The following STK31 variants were observed in gnomAD, a reference collection of about 807,000 sequenced individuals.
STK31 encodes serine/threonine kinase 31.
STK31 carries 89 observed loss-of-function variants against 129.7 expected under a neutral mutation model. The observed-to-expected ratio is 0.69, with a 90% CI of 0.58 to 0.82. STK31 has a LOEUF of 0.82. Ranked by LOEUF, STK31 falls within the 40% of genes least tolerant of loss-of-function variation. STK31 has a pLI of 0.00. For missense variants in STK31, 1,187 were observed against 1,176.4 expected (o/e 1.01, Z -0.13); for synonymous variants, 448 against 395.3 (o/e 1.13, Z -1.58).
chr7:23,721,784 C>T (rs971284461), intron 4 of STK31: 18 of 646,174 alleles, frequency 2.8e-5, no homozygotes, highest in Non-Finnish European at 4.7e-5. Context: ...TCCAGTTCTG[C>T]GTTAACTGAT....
intron 15 of STK31, among the ~76,000 whole-genome samples, chr7:23,773,151 C>T (rs28629874): frequency 0.11 from 16,620 of 151,950 alleles, 1,122 homozygotes; most frequent in Non-Finnish European, 0.15. Context: ...CCCATCAACC[C>T]GTCACCTACA....
intron 10 of STK31, among the ~76,000 whole-genome samples, chr7:23,754,895 A>G (rs554992240): frequency 1.3e-5 from 2 of 152,266 alleles, no homozygotes; most frequent in East Asian, 1.9e-4. Context: ...TATCCAGTCT[A>G]TCGTTGATGG....
chr7:23,762,848 G>A lies in STK31; in HGVS notation c.1341G>A (p.Lys447=), dbSNP rs1415843265. 5.6e-6 allele frequency: 9 copies of A among 1,608,676 alleles called. No individual in the cohort carries two copies. Among genetic ancestry groups the A allele is most frequent in the Admixed American group, 1.7e-5 (1 of 59,078 alleles). ...LIAQRNEMQQ[K]LYMSVEDFIL... ...CCCAAAGAAATGAAATGCAGCAGAAGCTGTACATGTCAGTAGAAGATTTTA... is the reference window on the plus strand; with the variant it reads ...CCCAAAGAAATGAAATGCAGCAGAAACTGTACATGTCAGTAGAAGATTTTA... Residue 447 remains lysine, a synonymous_variant, in exon 11 of 24, where the codon AAG becomes AAA. Coordinates refer to ENST00000355870, the MANE Select transcript of STK31 (RefSeq NM_031414.5).
chr7:23,787,907 T>C (rs926138302), intron 20 of STK31, 73 bp from the exon 21 acceptor site: 19 of 1,404,152 alleles, frequency 1.4e-5, no homozygotes, highest in Non-Finnish European at 1.8e-5. Flanking sequence ...AGCAGTCTTT[T>C]AATTAGAGAA....
In STK31 at chr7:23,741,254, C is replaced by T. The variant is rs530383298; in HGVS notation, c.1017+4176C>T. 2.0e-5 allele frequency among the ~76,000 whole-genome samples: 3 copies of T among 152,228 alleles called. No individual in the cohort carries two copies. In the South Asian group the frequency reaches 6.2e-4, roughly 32 times the overall value. ...ATCCTGGAAAAGTTATTTCTCCAAG[C>T]TATAGTTCTTTTTAGTGGCAAGAGG... On this transcript the variant is annotated intron_variant, in intron 8 of 23. Transcript: ENST00000355870.
chr7:23,824,604 G>C (rs571070113), intron 23 of STK31, among the ~76,000 whole-genome samples: 6 of 152,106 alleles, frequency 3.9e-5, no homozygotes, highest in Non-Finnish European at 7.3e-5. Context: ...TCTCCTGCCT[G>C]ATTGCCCTGG....
intron 15 of STK31, among the ~76,000 whole-genome samples, chr7:23,781,098 A>T (rs1276724607): frequency 1.3e-5 from 2 of 152,216 alleles, no homozygotes; most frequent in Admixed American, 6.5e-5. Flanking sequence ...GGTTGCTATT[A>T]TTAACATTTC....
intron 15 of STK31, among the ~76,000 whole-genome samples, chr7:23,777,121 G>C (rs1790601687): frequency 6.6e-6 from 1 of 152,190 alleles, no homozygotes; most frequent in Admixed American, 6.5e-5. Flanking sequence ...TTTCCATGTA[G>C]TTGTGTGGTT....
chr7:23,744,748 G>T (rs1788247850), intron 8 of STK31, among the ~76,000 whole-genome samples: 1 of 152,290 alleles, frequency 6.6e-6, no homozygotes, highest in Non-Finnish European at 1.5e-5. Context: ...AATGGCTTAG[G>T]GTGTGGTTGT....
intron 15 of STK31, among the ~76,000 whole-genome samples, chr7:23,776,212 C>T (rs1168586534): frequency 2.0e-5 from 3 of 152,254 alleles, no homozygotes; most frequent in African/African-American, 7.2e-5. Flanking sequence ...TTTTGATGTG[C>T]TGCTGAATTC....
intron 15 of STK31, among the ~76,000 whole-genome samples, chr7:23,777,827 C>T (rs911053064): frequency 1.3e-5 from 2 of 152,062 alleles, no homozygotes; most frequent in Non-Finnish European, 2.9e-5. Flanking sequence ...GGCATTTCAC[C>T]TGTTTACATT....
At chr7:23,776,900 C>T (rs370395389) in intron 15 of STK31, among the ~76,000 whole-genome samples, 2 of 151,926 alleles carry the variant, frequency 1.3e-5, no homozygotes, top group East Asian at 1.9e-4. Context: ...TGTAGCTCTT[C>T]TAATTGTGAT....
At position 23,735,729 on chromosome 7, in the gene STK31, A is replaced by AT; in HGVS notation, c.677dup (p.Leu226PhefsTer21). 6.2e-7 allele frequency: 1 copy of AT among 1,614,080 alleles called. No homozygotes were observed. Among genetic ancestry groups the AT allele is most frequent in the Non-Finnish European group, 8.5e-7 (1 of 1,180,032 alleles). ...GAACTGACATCTGTGAGGAAAAAAA[A>AT]TTGGATCCTGGTCAACTTGTTCTCA... On this transcript the variant is annotated frameshift_variant, in exon 7 of 24. Transcript: ENST00000355870. LOFTEE classifies it high-confidence loss of function.
chr7:23,819,278 T>C (rs1793651535), intron 23 of STK31, among the ~76,000 whole-genome samples: 1 of 152,260 alleles, frequency 6.6e-6, no homozygotes, highest in African/African-American at 2.4e-5. Flanking sequence ...TTCATTCATT[T>C]ATCAAATATT....
intron 1 of STK31, chr7:23,710,596 C>T (rs976934320): frequency 4.1e-5 from 54 of 1,312,176 alleles, no homozygotes; most frequent in Non-Finnish European, 5.1e-5. Flanking sequence ...ACTCTCTTCC[C>T]CTTCTCGAAA....
intron 11 of STK31, among the ~76,000 whole-genome samples, chr7:23,763,268 A>T (rs1336877882): frequency 6.6e-6 from 1 of 152,082 alleles, no homozygotes; most frequent in Admixed American, 6.6e-5. Context: ...GGGAGAAGGG[A>T]TCAACTCTGA....
Position 23,808,970 on chromosome 7 carries a change from T to TGTGTGTGTGTGTGCGC in STK31, c.2761-6173_2761-6172insTGTGTGTGTGTGCGCG, listed in dbSNP as rs60631283. ...GTGTGTGTGTGTGTGTGTGTGTGTG[T>TGTGTGTGTGTGTGCGC]GCCTGTGTCTGTTGGCATTTCTGGG... On this transcript the variant is annotated intron_variant, in intron 22 of 23. Transcript: ENST00000355870. Among the ~76,000 whole-genome samples the TGTGTGTGTGTGTGCGC allele has an allele frequency of 2.6e-3, 363 of 139,654 alleles. 3 individuals carry two copies. Among genetic ancestry groups the TGTGTGTGTGTGTGCGC allele is most frequent in the Middle Eastern group, 7.2e-3 (2 of 278 alleles). 91.6% of individuals were successfully genotyped at this position (139,654 alleles called of 152,430 possible).
chr7:23,710,178 A>G (rs1427784343), upstream of STK31: 7 of 1,583,930 alleles, frequency 4.4e-6, no homozygotes, highest in East Asian at 1.4e-4. Flanking sequence ...ACACCGGATG[A>G]TGGCGCAGCG....
intron 3 of STK31, among the ~76,000 whole-genome samples, chr7:23,715,893 T>G (rs535171530): frequency 6.6e-6 from 1 of 152,324 alleles, no homozygotes; most frequent in African/African-American, 2.4e-5. Flanking sequence ...GAAGAAACTT[T>G]GACTTACAGG....
Sources: gnomAD v4.1 joint callset for allele counts (sites outside exome capture counted in the v4.1 genomes callset) on GRCh38, gnomAD v4.1.1 for gene constraint, MANE v1.5 for transcripts, NCBI Gene and HGNC (gene_info 2026-07-23, HGNC 2026-07-21) for gene names.